ASB3: variants seen among roughly 807,000 people sequenced by gnomAD.
The protein encoded by ASB3 is ankyrin repeat and SOCS box containing 3.
Under a neutral mutation model 54.5 loss-of-function variants are expected in ASB3, and 41 were observed. The ratio of observed to expected loss-of-function variants is 0.75; its 90% CI spans 0.59 to 0.98. The LOEUF (loss-of-function observed/expected upper bound fraction) is 0.98. ASB3 is among the 50% of genes least tolerant of loss of function. ASB3 has a pLI of 0.00. For synonymous variants in ASB3, 266 were observed against 221.2 expected (o/e 1.20, Z -1.80); for missense variants, 733 against 620.0 (o/e 1.18, Z -1.94).
intron 2 of ASB3, chr2:53,756,853 G>A (rs1322714456): frequency 6.5e-6 from 1 of 152,872 alleles, no homozygotes; most frequent in African/African-American, 2.4e-5. Flanking sequence ...ATCCAGCGAG[G>A]CGGCGCCCAT....
chr2:53,748,525 T>C (rs1170244648), intron 3 of ASB3, among the ~76,000 whole-genome samples: 3 of 152,216 alleles, frequency 2.0e-5, no homozygotes, highest in Non-Finnish European at 2.9e-5. Context: ...TTCAAAGTAC[T>C]TTCATAAATT....
intron 7 of ASB3, among the ~76,000 whole-genome samples, chr2:53,704,221 G>A (rs922017206): frequency 3.9e-5 from 6 of 151,914 alleles, no homozygotes; most frequent in African/African-American, 1.2e-4. Flanking sequence ...TTAGCCAGGC[G>A]TGGTGGCATA....
intron 1 of ASB3, among the ~76,000 whole-genome samples, chr2:53,772,133 C>T (rs1673965170): frequency 6.6e-6 from 1 of 151,948 alleles, no homozygotes; most frequent in African/African-American, 2.4e-5. Flanking sequence ...ATGCAGAGTG[C>T]AAGGTAGACA....
chr2:53,673,165 G>A (rs191667868), intron 9 of ASB3, among the ~76,000 whole-genome samples: 184 of 152,308 alleles, frequency 1.2e-3, no homozygotes, highest in Non-Finnish European at 2.4e-3. Flanking sequence ...AATCCAGTGT[G>A]TGTTTTTAAA....
At chr2:53,698,744 AT>A (rs1669322036) in intron 8 of ASB3, among the ~76,000 whole-genome samples, 2 of 152,168 alleles carry the variant, frequency 1.3e-5, no homozygotes, top group South Asian at 4.1e-4. Flanking sequence ...TTCTATCAAC[AT>A]TTTGGTCACA....
chr2:53,733,679 T>A (rs1360286548), intron 3 of ASB3, among the ~76,000 whole-genome samples: 1 of 152,230 alleles, frequency 6.6e-6, no homozygotes, highest in East Asian at 1.9e-4. Flanking sequence ...TGACCTCATA[T>A]AATCCGCCCA....
At chr2:53,725,278 C>G (rs554018314) in intron 5 of ASB3, among the ~76,000 whole-genome samples, 2 of 152,124 alleles carry the variant, frequency 1.3e-5, no homozygotes, top group Non-Finnish European at 1.5e-5. Context: ...ATACTGGGGA[C>G]TAATAGAGAG....
chr2:53,722,868 G>C (rs960989968), intron 5 of ASB3, among the ~76,000 whole-genome samples: 2 of 152,020 alleles, frequency 1.3e-5, no homozygotes, highest in Non-Finnish European at 2.9e-5. Context: ...AGAAATAAAA[G>C]GCATCCAAAT....
chr2:53,675,520 A>C (rs1313557014), intron 9 of ASB3, among the ~76,000 whole-genome samples: 1 of 152,200 alleles, frequency 6.6e-6, no homozygotes, highest in Non-Finnish European at 1.5e-5. Context: ...GTTTATTCTG[A>C]TACATGGATG....
intron 2 of ASB3, 54 bp downstream of exon 2, chr2:53,765,323 T>A: frequency 6.2e-7 from 1 of 1,606,970 alleles, no homozygotes; most frequent in Non-Finnish European, 8.5e-7. Context: ...TACTTTTTTA[T>A]GTTTTATTAA....
chr2:53,697,879 C>T (rs537663449), intron 8 of ASB3, among the ~76,000 whole-genome samples: 4 of 152,292 alleles, frequency 2.6e-5, no homozygotes, highest in East Asian at 3.9e-4. Context: ...CCCTATGGCG[C>T]CCCTATGGCT....
chr2:53,744,701 C>T (rs1217420957), intron 3 of ASB3, among the ~76,000 whole-genome samples: 3 of 151,980 alleles, frequency 2.0e-5, no homozygotes, highest in Non-Finnish European at 4.4e-5. Context: ...TGTGAAACCA[C>T]AAAATTCATA....
At chr2:53,748,533 A>G (rs1672350442) in intron 3 of ASB3, among the ~76,000 whole-genome samples, 1 of 152,230 alleles carries the variant, frequency 6.6e-6, no homozygotes, top group Admixed American at 6.5e-5. Context: ...ACTTTCATAA[A>G]TTAACATTAC....
At position 53,713,688 on chromosome 2, in the gene ASB3, G is replaced by T. The variant is rs1670229957; in HGVS notation, c.980+696C>A. Among the ~76,000 whole-genome samples the T allele has an allele frequency of 2.0e-5, 3 of 152,250 alleles. No homozygotes were observed. In the South Asian group the frequency reaches 6.2e-4, roughly 32 times the overall value. ...AGCATTTTGGGAGGCCGAGGCAAGG[G>T]AACTGCTTGAGCCCAGGAGTTCAAG... On this transcript the variant is annotated intron_variant, in intron 7 of 9. Transcript: ENST00000263634.
chr2:53,774,023 G>A (rs965789735), intron 1 of ASB3: 68 of 1,139,664 alleles, frequency 6.0e-5, no homozygotes, highest in Non-Finnish European at 8.3e-5. Flanking sequence ...CAACAGACAA[G>A]ACTTCATCTC....
intron 2 of ASB3, among the ~76,000 whole-genome samples, chr2:53,761,381 C>T (rs1673137072): frequency 6.6e-6 from 1 of 152,078 alleles, no homozygotes; most frequent in Non-Finnish European, 1.5e-5. Context: ...GGGTCCCCTC[C>T]CGTTGTATGG....
At chr2:53,768,278 C>G in intron 1 of ASB3, 2 of 433,586 alleles carry the variant, frequency 4.6e-6, no homozygotes, top group Non-Finnish European at 8.3e-6. Context: ...CACAGGCGCA[C>G]GAGCTCGCAC....
At chr2:53,768,078 CCA>C in intron 1 of ASB3, 1 of 1,590,064 alleles carries the variant, frequency 6.3e-7, no homozygotes. Flanking sequence ...CTCCCCAACT[CCA>C]CACACAGCAC....
chr2:53,695,531 A>G (rs939348614), intron 8 of ASB3, among the ~76,000 whole-genome samples: 1 of 151,832 alleles, frequency 6.6e-6, no homozygotes, highest in Non-Finnish European at 1.5e-5. Flanking sequence ...AATGCACTTT[A>G]GGTCTTACTG....
Sources: allele counts gnomAD v4.1 joint callset (sites outside exome capture counted in the v4.1 genomes callset), GRCh38; gene constraint gnomAD v4.1.1; transcripts MANE v1.5; gene names NCBI Gene and HGNC (gene_info 2026-07-23, HGNC 2026-07-21).